Variants in MDGA2 observed in about 807,000 individuals in gnomAD.
The protein encoded by MDGA2 is MAM domain containing glycosylphosphatidylinositol anchor 2.
MDGA2 carries 40 observed loss-of-function variants against 117.8 expected under a neutral mutation model. The observed-to-expected ratio is 0.34, with a 90% CI of 0.26 to 0.44. MDGA2 has a LOEUF of 0.44. Among genes scored for constraint, MDGA2 ranks in the 20% least tolerant of loss-of-function variants. The pLI, the probability that MDGA2 is intolerant of heterozygous loss-of-function variation, is 1.00. For missense variants in MDGA2, 1,123 were observed against 1,250.6 expected (o/e 0.90, Z 1.54); for synonymous variants, 452 against 439.0 (o/e 1.03, Z -0.37).
At chr14:47,104,265 G>C (rs376833778) in intron 5 of MDGA2, among the ~76,000 whole-genome samples, 36 of 152,082 alleles carry the variant, frequency 2.4e-4, no homozygotes, top group Non-Finnish European at 4.0e-4. Flanking sequence ...CAGATGGCCT[G>C]AAGTAACTGA....
intron 3 of MDGA2, among the ~76,000 whole-genome samples, chr14:47,158,856 C>A (rs745405831): frequency 7.9e-5 from 12 of 152,150 alleles, no homozygotes; most frequent in Non-Finnish European, 1.6e-4. Context: ...GAATATTATT[C>A]AGTGCTGAAA....
intron 1 of MDGA2, among the ~76,000 whole-genome samples, chr14:47,627,636 G>A (rs940775199): frequency 2.6e-5 from 4 of 152,138 alleles, no homozygotes; most frequent in African/African-American, 7.2e-5. Flanking sequence ...CAGACCAATC[G>A]GCTCTCTGTA....
chr14:47,398,485 G>A (rs746006207), intron 1 of MDGA2, among the ~76,000 whole-genome samples: 1 of 151,944 alleles, frequency 6.6e-6, no homozygotes, highest in African/African-American at 2.4e-5. Flanking sequence ...GTTGTTATGG[G>A]GATTATAGAA....
chr14:47,136,591 T>C (rs1008990285), intron 4 of MDGA2, among the ~76,000 whole-genome samples: 1 of 152,342 alleles, frequency 6.6e-6, no homozygotes, highest in South Asian at 2.1e-4. Flanking sequence ...CTTTTTGAGT[T>C]AATGCTTTTG....
intron 13 of MDGA2, 72 bp downstream of exon 13, chr14:46,873,973 T>C (rs1595012054): frequency 1.7e-6 from 2 of 1,146,284 alleles, no homozygotes; most frequent in Non-Finnish European, 1.2e-6. Flanking sequence ...GGCTAAATAT[T>C]AGTATTTCAT....
At chr14:47,030,851 C>A (rs1888639047) in intron 8 of MDGA2, among the ~76,000 whole-genome samples, 3 of 152,030 alleles carry the variant, frequency 2.0e-5, no homozygotes, top group Non-Finnish European at 4.4e-5. Context: ...ATACTCTGGT[C>A]CATAATCTGT....
chr14:47,649,355 GTTGTGTCAGGCAAACTGC>G (rs1466902701), intron 1 of MDGA2, among the ~76,000 whole-genome samples: 1 of 152,280 alleles, frequency 6.6e-6, no homozygotes, highest in East Asian at 1.9e-4. Context: ...AAATAAATGT[GTTGTGTCAGGCAAACTGC>G]TAAGTGCTTT....
At chr14:46,842,049 A>G (rs1446985578) in intron 16 of MDGA2, 30 bp from the exon 17 acceptor site, 1 of 1,507,766 alleles carries the variant, frequency 6.6e-7, no homozygotes, top group African/African-American at 1.4e-5. Flanking sequence ...ATGCAAACAA[A>G]AAAAGAAGAA....
At chr14:47,185,493 A>G (rs1884874902) in intron 3 of MDGA2, among the ~76,000 whole-genome samples, 1 of 151,608 alleles carries the variant, frequency 6.6e-6, no homozygotes. Context: ...TATATATACT[A>G]TAAACATTTG....
intron 1 of MDGA2, among the ~76,000 whole-genome samples, chr14:47,491,485 G>A (rs537160205): frequency 7.2e-5 from 11 of 152,184 alleles, no homozygotes; most frequent in African/African-American, 1.7e-4. Context: ...ATGCCTATAC[G>A]AAGGAAAGAC....
intron 1 of MDGA2, among the ~76,000 whole-genome samples, chr14:47,524,277 ACTTTAAT>A (rs2058262120): frequency 6.6e-6 from 1 of 152,208 alleles, no homozygotes; most frequent in Admixed American, 6.5e-5. Context: ...AGAGGATTTT[ACTTTAAT>A]GGCACAGAAA....
intron 1 of MDGA2, among the ~76,000 whole-genome samples, chr14:47,531,182 T>C (rs1338367278): frequency 6.6e-6 from 1 of 152,126 alleles, no homozygotes; most frequent in African/African-American, 2.4e-5. Context: ...GAGGCAGAGC[T>C]TGCAGTGAGC....
At chr14:47,282,360 A>C (rs1037943635) in intron 2 of MDGA2, among the ~76,000 whole-genome samples, 3 of 152,082 alleles carry the variant, frequency 2.0e-5, no homozygotes, top group Non-Finnish European at 4.4e-5. Flanking sequence ...ATTCCCACTT[A>C]AATGTTCATG....
chr14:47,002,915 G>A (rs2138497106), intron 8 of MDGA2, among the ~76,000 whole-genome samples: 2 of 152,110 alleles, frequency 1.3e-5, no homozygotes, highest in East Asian at 3.9e-4. Flanking sequence ...TGACAAACCT[G>A]TGAAGCTATC....
chr14:47,509,000 CCTT>C (rs1233888538), intron 1 of MDGA2, among the ~76,000 whole-genome samples: 1 of 152,070 alleles, frequency 6.6e-6, no homozygotes, highest in East Asian at 1.9e-4. Flanking sequence ...AAGGAACACA[CCTT>C]CTTATGAGAA....
At position 47,144,178 on chromosome 14, in the gene MDGA2, T is replaced by G; in HGVS notation, c.692A>C (p.Asn231Thr). ...ERTVFLRCVA[N>T]SNPPVRYSWR... ...GCTATACCGAACAGGAGGATTGGAA[T>G]TGGCAACACACCGGAGGAACACTGT... The change falls in exon 4 of 17, where the codon AAT becomes ACT. Residue 231 changes from asparagine (N) to threonine (T), a missense_variant. Physicochemically the swap from Asn to Thr is moderately conservative, Grantham distance 65 (BLOSUM62 0). This residue lies in a region of MDGA2 where 890 missense variants were observed against 1,050.3 expected (regional missense o/e 0.85). Coordinates refer to ENST00000399232, the MANE Select transcript of MDGA2 (RefSeq NM_001113498.3). The G allele has an allele frequency of 6.4e-7, 1 of 1,551,450 alleles. No individual in the cohort carries two copies. Among genetic ancestry groups the G allele is most frequent in the South Asian group, 1.2e-5 (1 of 84,044 alleles).
chr14:47,538,449 C>G (rs1397171887), intron 1 of MDGA2, among the ~76,000 whole-genome samples: 1 of 152,124 alleles, frequency 6.6e-6, no homozygotes, highest in Non-Finnish European at 1.5e-5. Flanking sequence ...ATGGGTAAGT[C>G]AAAGTGTTTC....
At chr14:47,034,969 C>T in intron 8 of MDGA2, 42 bp downstream of exon 8, 1 of 1,546,050 alleles carries the variant, frequency 6.5e-7, no homozygotes, top group Non-Finnish European at 8.8e-7. Context: ...ACACTTCTTC[C>T]CTTGTCCCCA....
chr14:47,487,739 A>G (rs867849358), intron 1 of MDGA2, among the ~76,000 whole-genome samples: 1 of 152,222 alleles, frequency 6.6e-6, no homozygotes, highest in African/African-American at 2.4e-5. Context: ...TAGATAATGC[A>G]TAATACCTCC....
Sources: gnomAD v4.1 joint callset for allele counts (sites outside exome capture counted in the v4.1 genomes callset) on GRCh38, gnomAD v4.1.1 for gene constraint, gnomAD v4.1.1 regional missense constraint, MANE v1.5 for transcripts, NCBI Gene and HGNC (gene_info 2026-07-23, HGNC 2026-07-21) for gene names.